The following DNMT1 variants were observed in gnomAD, a reference collection of about 807,000 sequenced individuals.
DNMT1 encodes the protein DNA methyltransferase 1.
DNMT1 carries 24 observed loss-of-function variants against 205.3 expected under a neutral mutation model. The observed-to-expected ratio is 0.12, with a 90% CI of 0.08 to 0.16. The LOEUF (loss-of-function observed/expected upper bound fraction) is 0.16, where lower values mean the gene tolerates loss of function less well. DNMT1 is among the 10% of genes least tolerant of loss of function. The pLI, the probability that DNMT1 is intolerant of heterozygous loss-of-function variation, is 1.00. For missense variants in DNMT1, 1,293 were observed against 2,177.7 expected (o/e 0.59, Z 8.09); for synonymous variants, 817 against 839.8 (o/e 0.97, Z 0.47).
At chr19:10,136,354 T>TA (rs758959237) in intron 37 of DNMT1, 67 bp from the exon 38 acceptor site, 55 of 1,594,244 alleles carry the variant, frequency 3.4e-5, no homozygotes, top group Non-Finnish European at 3.2e-5. Context: ...CAGTGGCTCT[T>TA]AGAGCTTTGG....
intron 11 of DNMT1, among the ~76,000 whole-genome samples, chr19:10,163,932 C>A (rs779674299): frequency 6.6e-6 from 1 of 152,080 alleles, no homozygotes; most frequent in Non-Finnish European, 1.5e-5. Context: ...GGGGGCCCTG[C>A]ACCGGGGCCA....
chr19:10,142,520 C>A (rs1318163403), intron 29 of DNMT1, among the ~76,000 whole-genome samples: 1 of 150,652 alleles, frequency 6.6e-6, no homozygotes, highest in East Asian at 2.0e-4. Flanking sequence ...GGTAAAGACC[C>A]CTCCCAGTAA....
chr19:10,164,147 C>T (rs2038636168), intron 11 of DNMT1, among the ~76,000 whole-genome samples: 3 of 152,020 alleles, frequency 2.0e-5, no homozygotes, highest in Admixed American at 2.0e-4. Flanking sequence ...TTAATATATA[C>T]ATATATATGG....
At chr19:10,166,261 T>C (rs552469924) in intron 11 of DNMT1, among the ~76,000 whole-genome samples, 41 of 152,144 alleles carry the variant, frequency 2.7e-4, no homozygotes, top group Non-Finnish European at 5.1e-4. Context: ...GTGGCTGACA[T>C]GTGCGTCAGA....
At chr19:10,167,150 G>A (rs2038713565) in intron 10 of DNMT1, among the ~76,000 whole-genome samples, 1 of 151,980 alleles carries the variant, frequency 6.6e-6, no homozygotes. Flanking sequence ...CTGGATTCAG[G>A]CTCAGTCTCA....
intron 8 of DNMT1, among the ~76,000 whole-genome samples, 184 bp from the exon 9 acceptor site, chr19:10,173,358 G>A (rs182452210): frequency 6.6e-6 from 1 of 152,112 alleles, no homozygotes; most frequent in Non-Finnish European, 1.5e-5. Flanking sequence ...AATGCCAGCT[G>A]CCCTCGATTC....
At position 10,154,657 on chromosome 19, in the gene DNMT1, A is replaced by G. The variant is rs2145308168; in HGVS notation, c.1761T>C (p.Asp587=). 1.9e-6 allele frequency: 3 copies of G among 1,614,068 alleles called. No individual in the cohort carries two copies. The highest frequency in any genetic ancestry group is 2.5e-6 in the Non-Finnish European group (3 of 1,179,962). The change falls in exon 21 of 41, where the codon GAT becomes GAC. Residue 587 remains aspartate (D), a synonymous_variant. Transcript: ENST00000359526. The surrounding 1 kb of genome is among the most constrained non-coding windows in gnomAD (Gnocchi z 6.3). ...AGGGTGTCAGGAAGATGGGCTGCTC[A>G]TCACTGTCCCCGGCCTCGTCATAAC... The part of the protein sequence containing the change: ...VESYDEAGDS[D]EQPIFLTPCM...
At chr19:10,134,972 G>A (rs180970762) in intron 39 of DNMT1, among the ~76,000 whole-genome samples, 127 of 152,074 alleles carry the variant, frequency 8.4e-4, no homozygotes, top group African/African-American at 2.8e-3. Flanking sequence ...AGCACTTTGG[G>A]AGGCCGAGGC....
intron 13 of DNMT1, among the ~76,000 whole-genome samples, chr19:10,161,007 A>G (rs1216550879): frequency 6.6e-6 from 1 of 151,600 alleles, no homozygotes; most frequent in Non-Finnish European, 1.5e-5. Context: ...AGGTAAACAA[A>G]TAATTGGCCA....
At position 10,146,053 on chromosome 19, in the gene DNMT1, T is replaced by C. The variant is rs2038193090; in HGVS notation, c.2894+298A>G. 1.3e-5 allele frequency among the ~76,000 whole-genome samples: 2 copies of C among 152,088 alleles called. No homozygotes were observed. The highest frequency in any genetic ancestry group is 2.9e-5 in the Non-Finnish European group (2 of 68,030). ...CATGTTGGCCAGGCTGGTCTCAGAC[T>C]CCTGACCTCAGATGATTCCCCACTG... On this transcript the variant is annotated intron_variant, in intron 28 of 40. Coordinates refer to ENST00000359526, the MANE Select transcript of DNMT1 (RefSeq NM_001130823.3). The surrounding 1 kb of genome is among the most constrained non-coding windows in gnomAD (Gnocchi z 4.4).
At position 10,146,112 on chromosome 19, in the gene DNMT1, T is replaced by C. The variant is rs544852875; in HGVS notation, c.2894+239A>G. 6.6e-6 allele frequency among the ~76,000 whole-genome samples: 1 copy of C among 152,268 alleles called. No individual in the cohort carries two copies. Among genetic ancestry groups the C allele is most frequent in the East Asian group, 1.9e-4 (1 of 5,176 alleles). On this transcript the variant is annotated intron_variant, in intron 28 of 40. Transcript: ENST00000359526. This position sits in a 1 kb window ranked among gnomAD's most constrained non-coding sequence, Gnocchi z 4.4. The stretch of plus-strand genomic sequence containing the variant: ...TCCCAAAGCGCTGGGATTACAGGCG[T>C]GAGAAACCACACCCAGCCAAACCAG...
chr19:10,138,350 C>T lies in DNMT1; in HGVS notation c.4115+89G>A. On this transcript the variant is annotated intron_variant, in intron 35 of 40. Transcript: ENST00000359526. The surrounding 1 kb of genome is among the most constrained non-coding windows in gnomAD (Gnocchi z 4.1). ...GGCAGATGCTGTACCATCCTCTCCT[C>T]CCCAAGCCTCACCAGGGAGTACTCA... 1 of 1,596,206 alleles carries T rather than the reference C, an allele frequency of 6.3e-7. No individual in the cohort carries two copies. The highest frequency in any genetic ancestry group is 8.5e-7 in the Non-Finnish European group (1 of 1,170,608).
Position 10,143,892 on chromosome 19 carries a change from T to C in DNMT1, c.2990A>G (p.Lys997Arg). ...CTCAGGGGCATCCAGGTTGCTGCCT[T>C]TGATGTAGTCGGAGTATTTCCGGTA... Reference protein sequence around the residue: ...EHYRKYSDYIKGSNLDAPEPY... With the variant: ...EHYRKYSDYIRGSNLDAPEPY... The change falls in exon 29 of 41, where the codon AAA becomes AGA. Residue 997 changes from lysine to arginine, a missense_variant. Lys to Arg is a conservative substitution (Grantham distance 26, BLOSUM62 2). Coordinates refer to ENST00000359526, the MANE Select transcript of DNMT1 (RefSeq NM_001130823.3). The C allele has an allele frequency of 6.2e-7, 1 of 1,614,164 alleles. No individual in the cohort carries two copies. Among genetic ancestry groups the C allele is most frequent in the Non-Finnish European group, 8.5e-7 (1 of 1,180,040 alleles).
chr19:10,165,182 G>A (rs902854813), intron 11 of DNMT1, among the ~76,000 whole-genome samples: 16 of 152,100 alleles, frequency 1.1e-4, no homozygotes, highest in Admixed American at 1.1e-3. Flanking sequence ...GAGGCGGGAA[G>A]ATCACCTGAG....
chr19:10,173,343 G>A (rs2038864195), intron 8 of DNMT1, among the ~76,000 whole-genome samples, 169 bp from the exon 9 acceptor site: 1 of 152,034 alleles, frequency 6.6e-6, no homozygotes, highest in Non-Finnish European at 1.5e-5. Context: ...TTTACACCTG[G>A]TTCGAATGCC....
At chr19:10,145,415 A>C (rs2038176847) in intron 28 of DNMT1, among the ~76,000 whole-genome samples, 1 of 152,220 alleles carries the variant, frequency 6.6e-6, no homozygotes, top group Admixed American at 6.5e-5. Flanking sequence ...AACTGAACTA[A>C]GGCAAGGGAG....
rs1283949895 is a variant in DNMT1, at chr19:10,133,605, CACA to C, written c.*59_*61del. The C allele has an allele frequency of 6.4e-7, 1 of 1,553,564 alleles. No individual in the cohort carries two copies. The highest frequency in any genetic ancestry group is 8.7e-7 in the Non-Finnish European group (1 of 1,142,974). On this transcript the variant is annotated 3_prime_UTR_variant, in exon 41 of 41. Coordinates refer to ENST00000359526, the MANE Select transcript of DNMT1 (RefSeq NM_001130823.3). This position sits in a 1 kb window ranked among gnomAD's most constrained non-coding sequence, Gnocchi z 4.1. ...AACGGACAGATTGACATGTTAAAAA[CACA>C]ACATCAGTGCATGTTGGGGATTCCT...
At chr19:10,135,947 C>T in intron 38 of DNMT1, 95 bp from the exon 39 acceptor site, 4 of 1,492,660 alleles carry the variant, frequency 2.7e-6, no homozygotes, top group Non-Finnish European at 3.6e-6. Flanking sequence ...CAGCATACGG[C>T]CATGGCCTTG....
rs2038349483 is a variant in DNMT1, at chr19:10,151,882, G to A, written c.2020-35C>T. Reference sequence around the variant, plus strand: ...GGCATTAAAAAGGCAAATCAGGGCTGGGCACAGTGGTTCATGCCTGTAATC... The same window carrying A: ...GGCATTAAAAAGGCAAATCAGGGCTAGGCACAGTGGTTCATGCCTGTAATC... On this transcript the variant is annotated intron_variant, in intron 22 of 40. Coordinates refer to ENST00000359526, the MANE Select transcript of DNMT1 (RefSeq NM_001130823.3). This position sits in a 1 kb window ranked among gnomAD's most constrained non-coding sequence, Gnocchi z 5.0. 6.3e-7 allele frequency: 1 copy of A among 1,596,374 alleles called. No individual in the cohort carries two copies. The highest frequency in any genetic ancestry group is 1.1e-5 in the South Asian group (1 of 90,682).
Sources: gnomAD v4.1 joint callset for allele counts (sites outside exome capture counted in the v4.1 genomes callset) on GRCh38, gnomAD v4.1.1 for gene constraint, Gnocchi (gnomAD v3.1) non-coding constraint, MANE v1.5 for transcripts, NCBI Gene and HGNC (gene_info 2026-07-23, HGNC 2026-07-21) for gene names.